The following PCDHGB1 variants were observed in gnomAD, a reference collection of about 807,000 sequenced individuals.
PCDHGB1 encodes protocadherin gamma subfamily B, 1.
In PCDHGB1, 34 loss-of-function variants were observed where a neutral mutation model predicts 56.6. That is an observed-to-expected ratio of 0.60 (90% confidence interval 0.46 to 0.80). PCDHGB1 has a LOEUF of 0.80. PCDHGB1 is among the 30% of genes least tolerant of loss of function. The pLI is 0.00. For synonymous variants in PCDHGB1, 561 were observed against 505.9 expected, an observed-to-expected ratio of 1.11 and a Z score of -1.46; for missense variants, 1,278 against 1,204.6, an observed-to-expected ratio of 1.06 and a Z score of -0.90.
intron 1 of PCDHGB1, chr5:141,365,066 G>A (rs1763717164): frequency 2.5e-6 from 4 of 1,613,774 alleles, no homozygotes; most frequent in African/African-American, 1.3e-5. Flanking sequence ...CACCCCATCC[G>A]AGTACAGCGT....
At chr5:141,399,464 C>G in intron 1 of PCDHGB1, 1 of 1,614,018 alleles carries the variant, frequency 6.2e-7, no homozygotes, top group Non-Finnish European at 8.5e-7. Flanking sequence ...GATAACGCTC[C>G]GGTTTTCCAC....
chr5:141,399,198 G>T (rs1370289172), intron 1 of PCDHGB1: 1 of 1,613,816 alleles, frequency 6.2e-7, no homozygotes, highest in African/African-American at 1.3e-5. Context: ...AAAACGCGGT[G>T]CCTGGAACAC....
At chr5:141,396,767 G>A (rs900685366) in intron 1 of PCDHGB1, 1 of 152,338 alleles carries the variant, frequency 6.6e-6, no homozygotes, top group East Asian at 1.9e-4. Context: ...ATAAATGTTT[G>A]TTATTAATGA....
chr5:141,358,757 T>C (rs1761012774), intron 1 of PCDHGB1, among the ~76,000 whole-genome samples: 1 of 152,252 alleles, frequency 6.6e-6, no homozygotes, highest in Non-Finnish European at 1.5e-5. Flanking sequence ...CTTGTCATCA[T>C]GTGAGCCTCT....
At chr5:141,404,387 C>G in intron 1 of PCDHGB1, 3 of 1,613,874 alleles carry the variant, frequency 1.9e-6, no homozygotes, top group Non-Finnish European at 2.5e-6. Context: ...TGCCTATGAC[C>G]CTGATAGCAA....
rs1279890312 is a variant in PCDHGB1, at chr5:141,432,403, G to C, written c.2410-62404G>C. On this transcript the variant is annotated intron_variant, in intron 1 of 3. Transcript: ENST00000523390. This position sits in a 1 kb window ranked among gnomAD's most constrained non-coding sequence, Gnocchi z 6.0. ...CGCCCCTCAGCAGCAACGTGTCGTT[G>C]AGCCTGTTCGTGCTGGACCAGAACG... 1.9e-6 allele frequency: 3 copies of C among 1,614,242 alleles called. No homozygotes were observed. Among genetic ancestry groups the C allele is most frequent in the Non-Finnish European group, 8.5e-7 (1 of 1,180,052 alleles).
chr5:141,493,656 T>C lies in PCDHGB1; in HGVS notation c.2410-1151T>C, dbSNP rs1481871984. Among the ~76,000 whole-genome samples, 1 of 152,184 alleles carries C rather than the reference T, an allele frequency of 6.6e-6. No homozygotes were observed. Among genetic ancestry groups the C allele is most frequent in the African/African-American group, 2.4e-5 (1 of 41,454 alleles). ...CTGAGGGCTGGCCATCCCTGTGCCC[T>C]TCTCCATGGCAGCCCCAGAATGGTG... On this transcript the variant is annotated intron_variant, in intron 1 of 3. Coordinates refer to ENST00000523390, the MANE Select transcript of PCDHGB1 (RefSeq NM_018922.3). The surrounding 1 kb of genome is among the most constrained non-coding windows in gnomAD (Gnocchi z 4.3).
chr5:141,425,523 T>C (rs1260519939), intron 1 of PCDHGB1, among the ~76,000 whole-genome samples: 1 of 152,248 alleles, frequency 6.6e-6, no homozygotes, highest in Admixed American at 6.5e-5. Flanking sequence ...TGATGAAACA[T>C]GAAACAATAA....
rs1375121802 is a variant in PCDHGB1 at position 141,432,471 on chromosome 5, G to A, written c.2410-62336G>A. 2 of 1,614,094 alleles carry A rather than the reference G, an allele frequency of 1.2e-6. No homozygotes were observed. Among genetic ancestry groups the A allele is most frequent in the African/African-American group, 2.7e-5 (2 of 74,946 alleles). ...CTGTACCCCGCCCTCCCCACGGACG[G>A]TTCCACTGGCGTGGAGCTGGCTCCC... is the stretch of plus-strand genomic sequence containing the variant. On this transcript the variant is annotated intron_variant, in intron 1 of 3. Coordinates refer to ENST00000523390, the MANE Select transcript of PCDHGB1 (RefSeq NM_018922.3). The surrounding 1 kb of genome is among the most constrained non-coding windows in gnomAD (Gnocchi z 6.0).
At chr5:141,356,116 G>A in intron 1 of PCDHGB1, 1 of 1,613,804 alleles carries the variant, frequency 6.2e-7, no homozygotes, top group South Asian at 1.1e-5. Context: ...AATATTGGGG[G>A]GTCTAGATTA....
intron 1 of PCDHGB1, chr5:141,400,383 T>C (rs1267422491): frequency 6.2e-7 from 1 of 1,614,088 alleles, no homozygotes. Flanking sequence ...ACCTATGTGT[T>C]GCACATACAG....
At chr5:141,353,964 AC>A (rs1297694679) in intron 1 of PCDHGB1, among the ~76,000 whole-genome samples, 1 of 152,224 alleles carries the variant, frequency 6.6e-6, no homozygotes, top group Non-Finnish European at 1.5e-5. Context: ...AAGCTTAAGA[AC>A]TGATGTACTG....
intron 2 of PCDHGB1, among the ~76,000 whole-genome samples, chr5:141,505,050 T>C (rs1190927211): frequency 2.0e-5 from 3 of 152,130 alleles, no homozygotes; most frequent in Non-Finnish European, 4.4e-5. Context: ...TCATCCCAGC[T>C]ACTTGGGAGA....
intron 1 of PCDHGB1, chr5:141,421,778 G>C (rs756566609): frequency 6.2e-7 from 1 of 1,613,844 alleles, no homozygotes; most frequent in Non-Finnish European, 8.5e-7. Context: ...TTGCAACTGC[G>C]GGGCAGAACG....
Position 141,506,991 on chromosome 5 carries a change from C to T in PCDHGB1, c.2557+1510C>T, listed in dbSNP as rs190455068. 3 of 152,366 alleles carry T rather than the reference C, an allele frequency of 2.0e-5. No homozygotes were observed. In the East Asian group the frequency reaches 5.8e-4, roughly 29 times the overall value. The allele number at this position is 152,366 out of a possible 1,614,324, so 9.4% of individuals were successfully genotyped here. A position where few individuals can be genotyped will look rare whatever the true frequency, so the allele number is the denominator to read the frequency against. The stretch of plus-strand genomic sequence containing the variant: ...TGCAAGGCAGGTCTGATTTCTCACA[C>T]TCGACAGATGAGAGAACCGAGAAGG... On this transcript the variant is annotated intron_variant, in intron 3 of 3. Coordinates refer to ENST00000523390, the MANE Select transcript of PCDHGB1 (RefSeq NM_018922.3).
intron 1 of PCDHGB1, chr5:141,374,879 G>C (rs767481676): frequency 6.2e-7 from 1 of 1,613,694 alleles, no homozygotes; most frequent in Admixed American, 1.7e-5. Flanking sequence ...GGCAGTGACT[G>C]CCACCGACCA....
At chr5:141,381,820 C>CTTTCTTTCTTTCTTTCT (rs1279410534) in intron 1 of PCDHGB1, among the ~76,000 whole-genome samples, 49 of 119,880 alleles carry the variant, frequency 4.1e-4, no homozygotes, top group African/African-American at 1.5e-3. Flanking sequence ...TTCTTTCTTT[C>CTTTCTTTCTTTCTTTCT]TTCTTCTTTT....
chr5:141,444,044 T>C (rs188266846), intron 1 of PCDHGB1, among the ~76,000 whole-genome samples: 1 of 152,098 alleles, frequency 6.6e-6, no homozygotes, highest in East Asian at 1.9e-4. Flanking sequence ...ATCAGATAAT[T>C]TGGCATCTTC....
At chr5:141,429,845 T>C (rs888160645) in intron 1 of PCDHGB1, among the ~76,000 whole-genome samples, 4 of 152,222 alleles carry the variant, frequency 2.6e-5, no homozygotes, top group Non-Finnish European at 1.5e-5. Context: ...GGTAAGTCTG[T>C]AACATTCTTT....
Sources: allele counts gnomAD v4.1 joint callset (sites outside exome capture counted in the v4.1 genomes callset), GRCh38; gene constraint gnomAD v4.1.1; non-coding constraint Gnocchi (gnomAD v3.1); transcripts MANE v1.5; gene names NCBI Gene and HGNC (gene_info 2026-07-23, HGNC 2026-07-21).